DERA: variants seen among roughly 807,000 people sequenced by gnomAD.
The protein encoded by DERA is deoxyribose-phosphate aldolase, also known as 2-deoxy-D-ribose 5-phosphate aldolase.
DERA carries 15 observed loss-of-function variants against 41.1 expected under a neutral mutation model. That is an observed-to-expected ratio of 0.37 (90% confidence interval 0.24 to 0.56). The LOEUF is 0.56. Among genes scored for constraint, DERA ranks in the 20% least tolerant of loss-of-function variants. DERA has a pLI of 0.81. For synonymous variants in DERA, 139 were observed against 137.4 expected (o/e 1.01, Z -0.08); for missense variants, 396 against 403.4 (o/e 0.98, Z 0.16).
chr12:15,913,582 C>G lies in DERA; in HGVS notation c.31+2168C>G, dbSNP rs1948179093. ...GTTATTGTAAAAATTCTAGAAAATA[C>G]AGTTAGCACAAAAATGTTGTAATAT... On this transcript the variant is annotated intron_variant, in intron 1 of 8. Transcript: ENST00000428559. This position sits in a 1 kb window ranked among gnomAD's most constrained non-coding sequence, Gnocchi z 4.5. Among the ~76,000 whole-genome samples the G allele has an allele frequency of 6.6e-6, 1 of 152,098 alleles. No individual in the cohort carries two copies. The highest frequency in any genetic ancestry group is 2.4e-5 in the African/African-American group (1 of 41,422).
rs1043449390 is a variant in DERA at position 15,975,487 on chromosome 12, C to T, written c.509-6821C>T. Among the ~76,000 whole-genome samples, 7 of 152,260 alleles carry T rather than the reference C, an allele frequency of 4.6e-5. No individual in the cohort carries two copies. In the South Asian group the frequency reaches 1.0e-3, roughly 23 times the overall value. On this transcript the variant is annotated intron_variant, in intron 5 of 8. Coordinates refer to ENST00000428559, the MANE Select transcript of DERA (RefSeq NM_015954.4). ...GCCCCTAGCTGCATGACTCTTAAGC[C>T]GTAATTTCTAATCTTGGAGCTAACT...
chr12:15,926,034 G>A (rs2136127313), intron 1 of DERA, among the ~76,000 whole-genome samples: 1 of 151,654 alleles, frequency 6.6e-6, no homozygotes, highest in African/African-American at 2.4e-5. Context: ...TGTTGGCCAG[G>A]CTGGTCTCGA....
At chr12:15,917,037 A>G (rs1041577679) in intron 1 of DERA, among the ~76,000 whole-genome samples, 14 of 152,204 alleles carry the variant, frequency 9.2e-5, no homozygotes, top group Admixed American at 5.2e-4. Context: ...TTCCTGAAAA[A>G]TAGAACTGGA....
At position 16,019,689 on chromosome 12, in the gene DERA, A is replaced by G. The variant is rs1949005949; in HGVS notation, c.638-12853A>G. Among the ~76,000 whole-genome samples, 1 of 151,770 alleles carries G rather than the reference A, an allele frequency of 6.6e-6. No homozygotes were observed. The highest frequency in any genetic ancestry group is 1.5e-5 in the Non-Finnish European group (1 of 68,010). On this transcript the variant is annotated intron_variant, in intron 6 of 8. Coordinates refer to ENST00000428559, the MANE Select transcript of DERA (RefSeq NM_015954.4). The surrounding 1 kb of genome is among the most constrained non-coding windows in gnomAD (Gnocchi z 4.4). The stretch of plus-strand genomic sequence containing the variant: ...CATCTTTAAATTTTGTCTCTCCTTG[A>G]AGGTCTGTAACACATTCCATCTGTT...
rs1207636570 is a variant in DERA at position 16,036,358 on chromosome 12, C to G, written c.877C>G (p.Leu293Val). The change falls in exon 8 of 9, where the codon CTG becomes GTG. Residue 293 changes from leucine (L) to valine (V), a missense_variant. By Grantham distance (32) the Leu-to-Val change is conservative. Coordinates refer to ENST00000428559, the MANE Select transcript of DERA (RefSeq NM_015954.4). This position sits in a 1 kb window ranked among gnomAD's most constrained non-coding sequence, Gnocchi z 4.9. ...PELFRIGAST[L>V]LSDIERQIYH... ...ACTCTTTCGAATAGGTGCCAGTACT[C>G]TGCTCTCGGACATTGAGAGGCAGGT... The G allele has an allele frequency of 3.7e-6, 6 of 1,609,252 alleles. No homozygotes were observed. In the Admixed American group the frequency reaches 5.1e-5, roughly 14 times the overall value.
chr12:15,946,569 G>A (rs60465317), intron 1 of DERA, among the ~76,000 whole-genome samples: 3 of 151,890 alleles, frequency 2.0e-5, no homozygotes, highest in Non-Finnish European at 4.4e-5. Flanking sequence ...GGGATTGGTG[G>A]TGATATCCCC....
chr12:16,022,508 C>T (rs1949023329), intron 6 of DERA, among the ~76,000 whole-genome samples: 1 of 152,176 alleles, frequency 6.6e-6, no homozygotes, highest in Admixed American at 6.5e-5. Context: ...CTTATTTCCC[C>T]CCACACCTAA....
intron 6 of DERA, among the ~76,000 whole-genome samples, chr12:16,015,490 T>C (rs1273353004): frequency 6.6e-6 from 1 of 152,210 alleles, no homozygotes; most frequent in Non-Finnish European, 1.5e-5. Flanking sequence ...TTTCATCTTC[T>C]GTCATGATTG....
chr12:16,032,720 C>T, intron 7 of DERA, 66 bp downstream of exon 7: 4 of 955,752 alleles, frequency 4.2e-6, no homozygotes, highest in African/African-American at 1.6e-5. Context: ...CTAGTTACAG[C>T]CACAATAACT....
At position 15,928,953 on chromosome 12, in the gene DERA, T is replaced by C. The variant is rs534932923; in HGVS notation, c.31+17539T>C. ...TTCTAGATCTGTAGCTGTTAAATCCTGTCCTGCAGACGGGAGCAGCGTTCT... is the reference window on the plus strand; with the variant it reads ...TTCTAGATCTGTAGCTGTTAAATCCCGTCCTGCAGACGGGAGCAGCGTTCT... On this transcript the variant is annotated intron_variant, in intron 1 of 8. Transcript: ENST00000428559. The surrounding 1 kb of genome is among the most constrained non-coding windows in gnomAD (Gnocchi z 4.6). Among the ~76,000 whole-genome samples the C allele has an allele frequency of 6.6e-6, 1 of 152,338 alleles. No individual in the cohort carries two copies. The highest frequency in any genetic ancestry group is 1.5e-5 in the Non-Finnish European group (1 of 68,034).
intron 1 of DERA, among the ~76,000 whole-genome samples, chr12:15,955,803 A>G (rs1307597399): frequency 6.6e-6 from 1 of 152,258 alleles, no homozygotes; most frequent in African/African-American, 2.4e-5. Context: ...GTATTGTTAC[A>G]TGATACAGTA....
At position 15,996,156 on chromosome 12, in the gene DERA, CAT is replaced by C. The variant is rs757174743; in HGVS notation, c.637+13721_637+13722del. 3.8e-5 allele frequency among the ~76,000 whole-genome samples: 4 copies of C among 105,662 alleles called. No homozygotes were observed. The highest frequency in any genetic ancestry group is 3.5e-4 in the South Asian group (1 of 2,876). The allele number at this position is 105,662 out of a possible 152,430, so 69.3% of individuals were successfully genotyped here. A position where few individuals can be genotyped will look rare whatever the true frequency, so the allele number is the denominator to read the frequency against. On this transcript the variant is annotated intron_variant, in intron 6 of 8. Coordinates refer to ENST00000428559, the MANE Select transcript of DERA (RefSeq NM_015954.4). The surrounding 1 kb of genome is among the most constrained non-coding windows in gnomAD (Gnocchi z 4.7). ...TGCAGACACAGACACACACACAGAGCATGTGTGTGTGTGTGTGTGTGTGTGTG... is the reference window on the plus strand; with the variant it reads ...TGCAGACACAGACACACACACAGAGCGTGTGTGTGTGTGTGTGTGTGTGTG...
At chr12:16,015,885 T>A (rs754172206) in intron 6 of DERA, among the ~76,000 whole-genome samples, 12 of 152,122 alleles carry the variant, frequency 7.9e-5, no homozygotes, top group Non-Finnish European at 1.5e-4. Context: ...TACTAGGCAA[T>A]TTTTTTTCCT....
chr12:15,918,362 G>A lies in DERA; in HGVS notation c.31+6948G>A, dbSNP rs144266488. Among the ~76,000 whole-genome samples the A allele has an allele frequency of 3.2e-4, 48 of 152,084 alleles. No homozygotes were observed. The highest frequency in any genetic ancestry group is 2.5e-3 in the East Asian group (13 of 5,144). On this transcript the variant is annotated intron_variant, in intron 1 of 8. Transcript: ENST00000428559. This position sits in a 1 kb window ranked among gnomAD's most constrained non-coding sequence, Gnocchi z 4.3. ...CTTCCACTCCCTATGTCTTGCTCCCGCTTTGTGCAGATCCCCTCCTTGTTC... is the reference window on the plus strand; with the variant it reads ...CTTCCACTCCCTATGTCTTGCTCCCACTTTGTGCAGATCCCCTCCTTGTTC...
intron 1 of DERA, chr12:15,916,173 G>T (rs761361157): frequency 6.6e-6 from 1 of 152,182 alleles, no homozygotes; most frequent in Non-Finnish European, 1.5e-5. Context: ...TCCAAACTTT[G>T]GTAGATTATG....
intron 1 of DERA, among the ~76,000 whole-genome samples, chr12:15,920,627 G>T (rs1388664917): frequency 6.6e-6 from 1 of 151,800 alleles, no homozygotes; most frequent in African/African-American, 2.4e-5. Flanking sequence ...GAGATGAAGA[G>T]ATTGAGACCA....
intron 5 of DERA, among the ~76,000 whole-genome samples, chr12:15,977,536 T>C (rs1198558767): frequency 6.6e-6 from 1 of 152,218 alleles, no homozygotes; most frequent in Admixed American, 6.5e-5. Context: ...CACTGCAACC[T>C]TCGCCTCCCA....
chr12:15,997,298 ATTTC>A (rs148453484), intron 6 of DERA, among the ~76,000 whole-genome samples: 3,575 of 152,210 alleles, frequency 0.023, 169 homozygotes, highest in African/African-American at 0.082. Flanking sequence ...ATGGGTGAAT[ATTTC>A]TTTATTTGCT....
At position 15,959,708 on chromosome 12, in the gene DERA, TG is replaced by T. The variant is rs1948568401; in HGVS notation, c.278-116del. On this transcript the variant is annotated intron_variant, in intron 3 of 8. Transcript: ENST00000428559. This position sits in a 1 kb window ranked among gnomAD's most constrained non-coding sequence, Gnocchi z 4.5. ...AATCTTTTAATTTATTGCAGTATTG[TG>T]GGGGAATTATTTTTTTCTCATTTGA... 5.0e-6 allele frequency: 3 copies of T among 602,020 alleles called. No individual in the cohort carries two copies. In the East Asian group the frequency reaches 8.5e-5, roughly 17 times the overall value. 37.3% of individuals were successfully genotyped at this position (602,020 alleles called of 1,614,324 possible). A position where few individuals can be genotyped will look rare whatever the true frequency, so the allele number is the denominator to read the frequency against.
Sources: allele counts gnomAD v4.1 joint callset (sites outside exome capture counted in the v4.1 genomes callset), GRCh38; gene constraint gnomAD v4.1.1; non-coding constraint Gnocchi (gnomAD v3.1); transcripts MANE v1.5; gene names NCBI Gene and HGNC (gene_info 2026-07-23, HGNC 2026-07-21).